AMPD1: variants seen among roughly 807,000 people sequenced by gnomAD.
AMPD1 encodes adenosine monophosphate deaminase 1, also known as AMP deaminase 1.
In AMPD1, 74 loss-of-function variants were observed where a neutral mutation model predicts 82.9. That is an observed-to-expected ratio of 0.89 (90% CI 0.74 to 1.08). The LOEUF is 1.08. Ranked by LOEUF, AMPD1 falls within the 50% of genes least tolerant of loss-of-function variation. The pLI is 0.00. For missense variants in AMPD1, 881 were observed against 924.5 expected (o/e 0.95, Z 0.61); for synonymous variants, 333 against 320.5 (o/e 1.04, Z -0.42).
At position 114,678,127 on chromosome 1, in the gene AMPD1, G is replaced by T. The variant is rs1007698535; in HGVS notation, c.1093-86C>A. ...TAGGAAATAGTCAAGCAGAACTGGG[G>T]TCTGGTAGTGGGGGAGGGCATTGGG... On this transcript the variant is annotated intron_variant, in intron 8 of 15. Coordinates refer to ENST00000520113, the MANE Select transcript of AMPD1 (RefSeq NM_000036.3). The T allele has an allele frequency of 2.5e-5, 40 of 1,568,868 alleles. 1 individual carries two copies. In the South Asian group the frequency reaches 4.2e-4, roughly 17 times the overall value.
chr1:114,680,840 T>A (rs1658137759), intron 5 of AMPD1, among the ~76,000 whole-genome samples: 1 of 152,084 alleles, frequency 6.6e-6, no homozygotes, highest in East Asian at 1.9e-4. Context: ...TGGCGGCGTG[T>A]GCCTGTTACC....
chr1:114,686,696 G>A (rs760895593), intron 4 of AMPD1, 49 bp downstream of exon 4: 9 of 1,600,772 alleles, frequency 5.6e-6, no homozygotes, highest in Non-Finnish European at 7.7e-6. Context: ...GAACTGTCAA[G>A]CTGAATGGCT....
chr1:114,689,029 C>T, intron 2 of AMPD1: 1 of 638,568 alleles, frequency 1.6e-6, no homozygotes, highest in Non-Finnish European at 3.0e-6. Context: ...GGACTAGCAC[C>T]TCAGTAAGAT....
rs77720559 is a variant in AMPD1 at position 114,677,215 on chromosome 1, C to G, written c.1388+136G>C. On this transcript the variant is annotated intron_variant, in intron 10 of 15. Transcript: ENST00000520113. ...CCCAGAGTGGACAAAACCAAGCATG[C>G]AGGACCCGATAGTGAATGCTGTTTT... is the stretch of plus-strand genomic sequence containing the variant. The G allele has an allele frequency of 0.081, 96,183 of 1,189,454 alleles. 4,415 individuals are homozygous for G. Among genetic ancestry groups the G allele is most frequent in the Middle Eastern group, 0.11 (532 of 4,660 alleles). 73.7% of individuals were successfully genotyped at this position (1,189,454 alleles called of 1,614,324 possible). A position where few individuals can be genotyped will look rare whatever the true frequency, so the allele number is the denominator to read the frequency against.
At position 114,680,524 on chromosome 1, in the gene AMPD1, C is replaced by A. The variant is rs559349868; in HGVS notation, c.548-46G>T. 6 of 1,550,976 alleles carry A rather than the reference C, an allele frequency of 3.9e-6. No individual in the cohort carries two copies. The South Asian group carries it at 4.5e-5, about 12-fold the overall frequency. The stretch of plus-strand genomic sequence containing the variant: ...GTAATATATTAGCACATAGGATGAA[C>A]GACCACATAAAAATAACCAAAATGT... On this transcript the variant is annotated intron_variant, in intron 5 of 15. Coordinates refer to ENST00000520113, the MANE Select transcript of AMPD1 (RefSeq NM_000036.3).
intron 8 of AMPD1, 26 bp from the exon 9 acceptor site, chr1:114,678,067 T>G: frequency 6.2e-7 from 1 of 1,613,272 alleles, no homozygotes; most frequent in African/African-American, 1.3e-5. Flanking sequence ...AGAGCAGAGA[T>G]GTATTATTAC....
At chr1:114,685,191 G>A (rs1658276856) in intron 4 of AMPD1, among the ~76,000 whole-genome samples, 2 of 152,270 alleles carry the variant, frequency 1.3e-5, no homozygotes, top group Admixed American at 1.3e-4. Flanking sequence ...TTGGCCAAAA[G>A]CGTCTGGCAC....
At chr1:114,691,273 G>T (rs1380898047) in intron 2 of AMPD1, among the ~76,000 whole-genome samples, 1 of 152,140 alleles carries the variant, frequency 6.6e-6, no homozygotes, top group African/African-American at 2.4e-5. Context: ...CGGGGAGTGG[G>T]CCTGGCATGG....
At chr1:114,676,639 A>G (rs923659641) in intron 10 of AMPD1, among the ~76,000 whole-genome samples, 11 of 152,184 alleles carry the variant, frequency 7.2e-5, no homozygotes, top group African/African-American at 2.7e-4. Flanking sequence ...TATACTCCTA[A>G]CCAACCTACT....
At position 114,680,262 on chromosome 1, in the gene AMPD1, G is replaced by C; in HGVS notation, c.764C>G (p.Pro255Arg). 1.2e-6 allele frequency: 2 copies of C among 1,613,350 alleles called. No homozygotes were observed. The highest frequency in any genetic ancestry group is 2.2e-5 in the East Asian group (1 of 44,888). Residue 255 changes from proline to arginine, a missense_variant, in exon 6 of 16, where the codon CCT (proline) becomes CGT (arginine). Coordinates refer to ENST00000520113, the MANE Select transcript of AMPD1 (RefSeq NM_000036.3). The part of the protein sequence containing the change: ...NFLLALIAQG[P>R]VKTYTHRRLK... ...TTAGGTCTCACTAAACACTTACACA[G>C]GTCCTTGAGCAATTAAAGCAAGTAA...
intron 5 of AMPD1, among the ~76,000 whole-genome samples, chr1:114,680,736 G>A (rs1658134103): frequency 6.6e-6 from 1 of 152,210 alleles, no homozygotes; most frequent in Non-Finnish European, 1.5e-5. Context: ...GGAGGCCAAG[G>A]CAGGCAGATC....
chr1:114,677,210 G>T, intron 10 of AMPD1, 141 bp downstream of exon 10: 1 of 1,130,838 alleles, frequency 8.8e-7, no homozygotes, highest in Non-Finnish European at 1.3e-6. Context: ...ACAAAACCAA[G>T]CATGCAGGAC....
chr1:114,683,225 T>G (rs1557971898), intron 5 of AMPD1: 3 of 384,680 alleles, frequency 7.8e-6, no homozygotes, highest in South Asian at 2.0e-5. Flanking sequence ...TGATAGTATT[T>G]GGGCTGCCTC....
rs749039833 is a variant in AMPD1, at chr1:114,678,004, T to C, written c.1130A>G (p.Asp377Gly). Residue 377 changes from aspartate to glycine, a missense_variant, in exon 9 of 16, where the codon GAC (aspartate) becomes GGC (glycine). Around this residue, in one of 2 missense-constraint regions of AMPD1, gnomAD observed 783 missense variants for 786.4 expected, o/e 1.00. Coordinates refer to ENST00000520113, the MANE Select transcript of AMPD1 (RefSeq NM_000036.3). The stretch of plus-strand genomic sequence containing the variant: ...ACTTGCTCCTACAGGATTATATTTG[T>C]CATTGAACTTATCAAAACGCTGGAA... ...QTFQRFDKFN[D>G]KYNPVGASEL... 1 of 1,614,018 alleles carries C rather than the reference T, an allele frequency of 6.2e-7. No homozygotes were observed. The highest frequency in any genetic ancestry group is 1.1e-5 in the South Asian group (1 of 91,080).
chr1:114,682,411 T>A (rs1331262728), intron 5 of AMPD1, among the ~76,000 whole-genome samples: 3 of 151,950 alleles, frequency 2.0e-5, no homozygotes, highest in Non-Finnish European at 2.9e-5. Flanking sequence ...TTAGGAGAAA[T>A]AAAGACAAGA....
At chr1:114,685,543 A>G (rs1458641805) in intron 4 of AMPD1, among the ~76,000 whole-genome samples, 2 of 152,188 alleles carry the variant, frequency 1.3e-5, no homozygotes, top group East Asian at 1.9e-4. Context: ...GCCAACTGGT[A>G]GAGAAACATA....
chr1:114,674,900 C>G, intron 12 of AMPD1, 28 bp from the exon 13 acceptor site: 1 of 1,613,852 alleles, frequency 6.2e-7, no homozygotes, highest in Non-Finnish European at 8.5e-7. Context: ...CTATTGGAAT[C>G]GCAGGTTCTG....
Position 114,684,355 on chromosome 1 carries a change from C to A in AMPD1, c.391G>T (p.Glu131Ter). 6.2e-7 allele frequency: 1 copy of A among 1,612,756 alleles called. No homozygotes were observed. Among genetic ancestry groups the A allele is most frequent in the South Asian group, 1.1e-5 (1 of 90,940 alleles). ...CCTTTGCAAACAATTTCAAAATCTT[C>A]AACTGTAACCTGCCAAAAAAAAAAA... Reference protein sequence around the residue: ...TGDYASGVTVEDFEIVCKGLY... With the variant: ...TGDYASGVTV Residue 131 changes from glutamate (E) to a stop codon, truncating the protein, a stop_gained, in exon 5 of 16, where the codon GAA becomes TAA. Transcript: ENST00000520113. LOFTEE classifies it high-confidence loss of function.
chr1:114,680,307 A>C lies in AMPD1; in HGVS notation c.719T>G (p.Phe240Cys). The C allele has an allele frequency of 6.2e-7, 1 of 1,614,190 alleles. No individual in the cohort carries two copies. Among genetic ancestry groups the C allele is most frequent in the Non-Finnish European group, 8.5e-7 (1 of 1,180,036 alleles). The change falls in exon 6 of 16, where the codon TTC (phenylalanine) becomes TGC (cysteine). Residue 240 changes from phenylalanine to cysteine, a missense_variant. Physicochemically the swap from Phe to Cys is radical, Grantham distance 205. This residue lies in a region of AMPD1 where 783 missense variants were observed against 786.4 expected (regional missense o/e 1.00). Coordinates refer to ENST00000520113, the MANE Select transcript of AMPD1 (RefSeq NM_000036.3). ...KPLPYPNLDTFLDDMNFLLAL... is the reference protein window; with the variant it reads ...KPLPYPNLDTCLDDMNFLLAL... ...AAGTAAAAAATTCATATCGTCTAAG[A>C]AGGTGTCCAGATTTGGGTAAGGAAG...
Sources: gnomAD v4.1 joint callset for allele counts (sites outside exome capture counted in the v4.1 genomes callset) on GRCh38, gnomAD v4.1.1 for gene constraint, gnomAD v4.1.1 regional missense constraint, MANE v1.5 for transcripts, NCBI Gene and HGNC (gene_info 2026-07-23, HGNC 2026-07-21) for gene names.